NGEF: variants seen among roughly 807,000 people sequenced by gnomAD.
NGEF encodes the protein ephexin-1.
In NGEF, 31 loss-of-function variants were observed where a neutral mutation model predicts 80.9. That is an observed-to-expected ratio of 0.38 (90% CI 0.29 to 0.52). The LOEUF is 0.52. Ranked by LOEUF, NGEF falls within the 20% of genes least tolerant of loss-of-function variation. The pLI, the probability that NGEF is intolerant of heterozygous loss-of-function variation, is 0.84. For synonymous variants in NGEF, 371 were observed against 370.2 expected, an observed-to-expected ratio of 1.00 and a Z score of -0.03; for missense variants, 709 against 926.2, an observed-to-expected ratio of 0.77 and a Z score of 3.04.
chr2:232,913,997 T>A (rs1692741795), intron 5 of NGEF, among the ~76,000 whole-genome samples: 2 of 152,246 alleles, frequency 1.3e-5, no homozygotes. Context: ...AATATTATAC[T>A]GTGTTCAGAT....
intron 5 of NGEF, among the ~76,000 whole-genome samples, chr2:232,907,969 G>T (rs1392010905): frequency 6.6e-6 from 1 of 152,016 alleles, no homozygotes; most frequent in Non-Finnish European, 1.5e-5. Flanking sequence ...AATTAGCCAG[G>T]TGTTGTGGTG....
chr2:232,987,173 C>A (rs372900488), intron 1 of NGEF, among the ~76,000 whole-genome samples: 61 of 152,126 alleles, frequency 4.0e-4, no homozygotes, highest in African/African-American at 1.4e-3. Flanking sequence ...CGTGCCGCCA[C>A]GCCTGGCTAA....
At chr2:232,936,362 C>T (rs1403183166) in intron 3 of NGEF, among the ~76,000 whole-genome samples, 2 of 152,210 alleles carry the variant, frequency 1.3e-5, no homozygotes, top group Non-Finnish European at 2.9e-5. Context: ...ATTAACTTTA[C>T]CCAAAGACAG....
intron 5 of NGEF, among the ~76,000 whole-genome samples, chr2:232,918,731 C>T (rs1448994550): frequency 2.7e-5 from 4 of 149,376 alleles, no homozygotes; most frequent in Non-Finnish European, 5.9e-5. Context: ...CGAGTTCAAG[C>T]GATTCTCCTA....
intron 1 of NGEF, among the ~76,000 whole-genome samples, chr2:232,987,311 C>A (rs979902395): frequency 6.6e-6 from 1 of 152,092 alleles, no homozygotes; most frequent in African/African-American, 2.4e-5. Context: ...AGACACCGTG[C>A]CTGGCCAGAG....
At chr2:232,903,491 T>C (rs1692415138) in intron 5 of NGEF, among the ~76,000 whole-genome samples, 2 of 152,058 alleles carry the variant, frequency 1.3e-5, no homozygotes. Context: ...GGGAACTGGG[T>C]GGCCCAGGAC....
intron 1 of NGEF, among the ~76,000 whole-genome samples, chr2:233,002,977 C>T (rs1695011520): frequency 6.6e-6 from 1 of 152,176 alleles, no homozygotes. Flanking sequence ...CGAGTCTGCA[C>T]ATCTCCGGAA....
At chr2:232,889,092 G>C (rs1691797262) in intron 8 of NGEF, among the ~76,000 whole-genome samples, 1 of 152,118 alleles carries the variant, frequency 6.6e-6, no homozygotes, top group Non-Finnish European at 1.5e-5. Flanking sequence ...GCCCGCCTCT[G>C]CCTGGCAGCC....
At chr2:232,978,088 T>C (rs1694334067) in intron 1 of NGEF, among the ~76,000 whole-genome samples, 1 of 152,110 alleles carries the variant, frequency 6.6e-6, no homozygotes, top group Non-Finnish European at 1.5e-5. Flanking sequence ...CTGGACTGAG[T>C]TGCTAACAGG....
intron 3 of NGEF, among the ~76,000 whole-genome samples, chr2:232,947,705 G>A (rs773810137): frequency 2.6e-5 from 4 of 152,252 alleles, no homozygotes; most frequent in East Asian, 1.9e-4. Context: ...ACCCAGTCTC[G>A]AGTAGTATCT....
chr2:232,956,466 G>C (rs563905252), intron 3 of NGEF, among the ~76,000 whole-genome samples: 153 of 152,240 alleles, frequency 1.0e-3, no homozygotes, highest in African/African-American at 3.3e-3. Context: ...AATAAAATAG[G>C]AGTTTAAGAA....
chr2:232,905,762 T>A (rs374274477), intron 5 of NGEF: 1 of 371,900 alleles, frequency 2.7e-6, no homozygotes, highest in Admixed American at 3.0e-5. Context: ...CCGCCCTGTC[T>A]GGGATGTGAG....
intron 3 of NGEF, among the ~76,000 whole-genome samples, chr2:232,929,990 T>C (rs1207849046): frequency 6.6e-6 from 1 of 152,204 alleles, no homozygotes; most frequent in African/African-American, 2.4e-5. Context: ...CTCTCTTGCC[T>C]GCTGCCATCT....
chr2:232,880,727 G>T (rs911005284), intron 14 of NGEF, among the ~76,000 whole-genome samples: 2 of 152,178 alleles, frequency 1.3e-5, no homozygotes, highest in African/African-American at 4.8e-5. Context: ...CCCACATGGG[G>T]CACCGAGCCT....
chr2:232,927,878 G>C, intron 3 of NGEF: 1 of 1,270,586 alleles, frequency 7.9e-7, no homozygotes, highest in Non-Finnish European at 9.9e-7. Context: ...GGCCGGGACA[G>C]GCGCCCGTCC....
At position 232,925,972 on chromosome 2, in the gene NGEF, C is replaced by G. The variant is rs139689359; in HGVS notation, c.526+1072G>C. Among the ~76,000 whole-genome samples, 72 of 152,204 alleles carry G rather than the reference C, an allele frequency of 4.7e-4. No individual in the cohort carries two copies. In the East Asian group the frequency reaches 8.9e-3, roughly 19 times the overall value. Reference sequence around the variant, plus strand: ...ACAGCATGCAGTGTGCGCTCCACCCCCTCAGCTTCACAAGGGCTCAGCTCC... The same window carrying G: ...ACAGCATGCAGTGTGCGCTCCACCCGCTCAGCTTCACAAGGGCTCAGCTCC... On this transcript the variant is annotated intron_variant, in intron 4 of 14. Coordinates refer to ENST00000264051, the MANE Select transcript of NGEF (RefSeq NM_019850.3).
intron 12 of NGEF, among the ~76,000 whole-genome samples, chr2:232,883,077 ACACACG>A (rs1159768538): frequency 2.2e-4 from 32 of 148,674 alleles, no homozygotes; most frequent in African/African-American, 6.2e-4. Flanking sequence ...ACACACACAC[ACACACG>A]CACACACGCA....
At chr2:232,974,505 A>G (rs1694250729) in intron 2 of NGEF, 118 bp downstream of exon 2, 2 of 1,224,020 alleles carry the variant, frequency 1.6e-6, no homozygotes, top group Non-Finnish European at 2.3e-6. Context: ...CCCTGTTGAA[A>G]CTGTCCTTGG....
chr2:232,950,567 T>A lies in NGEF; in HGVS notation c.383+19647A>T, dbSNP rs116397526. Among the ~76,000 whole-genome samples the A allele has an allele frequency of 9.9e-3, 1,514 of 152,242 alleles. 10 individuals carry two copies. The highest frequency in any genetic ancestry group is 0.016 in the Non-Finnish European group (1,119 of 68,000). Reference sequence around the variant, plus strand: ...GGCAGAGAGGAGCCTCCCAGGGCCTTTGGTCCACCCCTGCCTTCAGGCAGG... The same window carrying A: ...GGCAGAGAGGAGCCTCCCAGGGCCTATGGTCCACCCCTGCCTTCAGGCAGG... On this transcript the variant is annotated intron_variant, in intron 3 of 14. Transcript: ENST00000264051.
Sources: gnomAD v4.1 joint callset for allele counts (sites outside exome capture counted in the v4.1 genomes callset) on GRCh38, gnomAD v4.1.1 for gene constraint, MANE v1.5 for transcripts, NCBI Gene and HGNC (gene_info 2026-07-23, HGNC 2026-07-21) for gene names.